The following RNF17 variants were observed in gnomAD, a reference collection of about 807,000 sequenced individuals.
The protein encoded by RNF17 is spermatogenesis associated 23.
In RNF17, 31 loss-of-function variants were observed where a neutral mutation model predicts 200.5. The ratio of observed to expected loss-of-function variants is 0.15; its 90% confidence interval spans 0.12 to 0.21. The LOEUF is 0.21. RNF17 is among the 10% of genes least tolerant of loss of function. RNF17 has a pLI of 1.00. For synonymous variants in RNF17, 606 were observed against 637.8 expected (o/e 0.95, Z 0.75); for missense variants, 1,628 against 1,905.1 (o/e 0.85, Z 2.71).
intron 11 of RNF17, among the ~76,000 whole-genome samples, chr13:24,798,144 T>C (rs1459951537): frequency 6.6e-6 from 1 of 152,194 alleles, no homozygotes; most frequent in Non-Finnish European, 1.5e-5. Flanking sequence ...TCACACTTGT[T>C]TCAGTATTTA....
chr13:24,798,889 A>T (rs915397556), intron 11 of RNF17, among the ~76,000 whole-genome samples: 2 of 152,140 alleles, frequency 1.3e-5, no homozygotes, highest in African/African-American at 2.4e-5. Context: ...ACTGGGTGCC[A>T]ATAATTTTGG....
chr13:24,803,085 T>C (rs1259992070), intron 14 of RNF17, among the ~76,000 whole-genome samples: 1 of 152,058 alleles, frequency 6.6e-6, no homozygotes, highest in African/African-American at 2.4e-5. Flanking sequence ...ATTAGAGAAA[T>C]TAAGGTAGCT....
chr13:24,882,165 T>TAG (rs1555294196), downstream of RNF17: 32 of 4,084 alleles, frequency 7.8e-3, 14 homozygotes, highest in East Asian at 0.083. Context: ...GATACATCTA[T>TAG]ATAGATAGAT....
rs954521800 is a variant in RNF17, at chr13:24,850,289, C to T, written c.3102-52C>T. Reference sequence around the variant, plus strand: ...TAAATATAGTGTTTTTTGTATATTTCAATATTGTATGCTATTTTTATAAAA... The same window carrying T: ...TAAATATAGTGTTTTTTGTATATTTTAATATTGTATGCTATTTTTATAAAA... On this transcript the variant is annotated intron_variant, in intron 22 of 35. Coordinates refer to ENST00000255324, the MANE Select transcript of RNF17 (RefSeq NM_031277.3). 1.2e-5 allele frequency: 14 copies of T among 1,154,710 alleles called. No individual in the cohort carries two copies. The African/African-American group carries it at 2.0e-4, about 16-fold the overall frequency. 71.5% of individuals were successfully genotyped at this position (1,154,710 alleles called of 1,614,324 possible). A position where few individuals can be genotyped will look rare whatever the true frequency, so the allele number is the denominator to read the frequency against.
intron 10 of RNF17, among the ~76,000 whole-genome samples, chr13:24,795,424 C>CT (rs60986805): frequency 0.13 from 17,481 of 137,504 alleles, 1,178 homozygotes; most frequent in East Asian, 0.24. Flanking sequence ...GCGGGGGTGT[C>CT]TTTTTTTTTT....
At chr13:24,780,411 T>C (rs1406833802) in intron 5 of RNF17, among the ~76,000 whole-genome samples, 1 of 152,140 alleles carries the variant, frequency 6.6e-6, no homozygotes, top group African/African-American at 2.4e-5. Context: ...CAGTGGTAAA[T>C]TAACTGGAGG....
intron 24 of RNF17, among the ~76,000 whole-genome samples, chr13:24,852,332 G>A (rs1414235770): frequency 1.3e-5 from 2 of 152,014 alleles, no homozygotes; most frequent in South Asian, 2.1e-4. Context: ...TAGAGACGGG[G>A]TTTCACCGTG....
chr13:24,800,858 C>T (rs1395721139), intron 13 of RNF17, among the ~76,000 whole-genome samples: 3 of 152,048 alleles, frequency 2.0e-5, no homozygotes, highest in Non-Finnish European at 4.4e-5. Flanking sequence ...TTCTTATTTC[C>T]ATTGCCCTTT....
chr13:24,883,053 C>T (rs886050097), downstream of RNF17: 6 of 885,338 alleles, frequency 6.8e-6, no homozygotes, highest in Admixed American at 7.8e-5. Flanking sequence ...ACAGGGTAAA[C>T]TTTTATTTTA....
chr13:24,867,307 T>G (rs115008705), intron 30 of RNF17, among the ~76,000 whole-genome samples: 2,411 of 152,306 alleles, frequency 0.016, 64 homozygotes, highest in East Asian at 0.081. Context: ...ACTAAAGGCA[T>G]GGACCACCAC....
chr13:24,751,979 T>C, the RNF17 span: 1 of 152,272 alleles, frequency 6.6e-6, no homozygotes, highest in African/African-American at 2.4e-5. Flanking sequence ...CAACAGCATG[T>C]GCATTTGCTT....
At position 24,825,615 on chromosome 13, in the gene RNF17, C is replaced by T. The variant is rs1219697892; in HGVS notation, c.2092-4C>T. On this transcript the variant is annotated splice_polypyrimidine_tract_variant and splice_region_variant and intron_variant, in intron 15 of 35. Coordinates refer to ENST00000255324, the MANE Select transcript of RNF17 (RefSeq NM_031277.3). ...TGACAGTGCTTTATCCCTTTATTTA[C>T]TAGATAGAGGGCCTGGATATTTTAT... The T allele has an allele frequency of 6.4e-7, 1 of 1,566,538 alleles. No homozygotes were observed.
At chr13:24,748,910 C>T in the RNF17 span, among the ~76,000 whole-genome samples, 11 of 152,018 alleles carry the variant, frequency 7.2e-5, no homozygotes, top group African/African-American at 2.2e-4. Flanking sequence ...CCACCATGCC[C>T]GGCTAATTTT....
the RNF17 span, among the ~76,000 whole-genome samples, chr13:24,756,154 A>G: frequency 0.016 from 2,369 of 152,284 alleles, 66 homozygotes; most frequent in African/African-American, 0.054. Flanking sequence ...TTTGATTGGT[A>G]AAGTCACATG....
chr13:24,869,449 C>G (rs1195267527), intron 31 of RNF17, among the ~76,000 whole-genome samples: 1 of 152,192 alleles, frequency 6.6e-6, no homozygotes, highest in Non-Finnish European at 1.5e-5. Context: ...TACCCCTAAA[C>G]TTAGCAGCTT....
At chr13:24,774,982 T>A in intron 3 of RNF17, 78 bp downstream of exon 3, 1 of 980,802 alleles carries the variant, frequency 1.0e-6, no homozygotes, top group Non-Finnish European at 1.6e-6. Flanking sequence ...TGATAAAATG[T>A]CATCCTTAAG....
chr13:24,759,903 G>T (rs528977414), upstream of RNF17, among the ~76,000 whole-genome samples: 1 of 152,306 alleles, frequency 6.6e-6, no homozygotes, highest in East Asian at 1.9e-4. Flanking sequence ...CACTTTGGGA[G>T]GATGAGGCGG....
the RNF17 span, among the ~76,000 whole-genome samples, chr13:24,757,621 G>A: frequency 6.6e-6 from 1 of 152,132 alleles, no homozygotes; most frequent in Admixed American, 6.6e-5. Flanking sequence ...ACTGTGCCTG[G>A]CCGACAATAT....
Position 24,866,335 on chromosome 13 carries a change from C to T in RNF17, c.4161+132C>T, listed in dbSNP as rs1450676127. 6 of 547,242 alleles carry T rather than the reference C, an allele frequency of 1.1e-5. No homozygotes were observed. The East Asian group carries it at 1.6e-4, about 15-fold the overall frequency. The allele number at this position is 547,242 out of a possible 1,614,324, so 33.9% of individuals were successfully genotyped here. On this transcript the variant is annotated intron_variant, in intron 30 of 35. Transcript: ENST00000255324. ...TCATAGAATTTACCTATTGAATATA[C>T]AGTTCAGTGTTGTTTAATATCGTTC...
Sources: gnomAD v4.1 joint callset for allele counts (sites outside exome capture counted in the v4.1 genomes callset) on GRCh38, gnomAD v4.1.1 for gene constraint, MANE v1.5 for transcripts, NCBI Gene and HGNC (gene_info 2026-07-23, HGNC 2026-07-21) for gene names.